CPXM2: variants seen among roughly 807,000 people sequenced by gnomAD.
The protein encoded by CPXM2 is inactive carboxypeptidase-like protein X2.
In CPXM2, 66 loss-of-function variants were observed where a neutral mutation model predicts 86.1. The observed-to-expected ratio is 0.77, with a 90% CI of 0.63 to 0.94. The LOEUF is 0.94. Ranked by LOEUF, CPXM2 falls within the 40% of genes least tolerant of loss-of-function variation. The pLI, the probability that CPXM2 is intolerant of heterozygous loss-of-function variation, is 0.00. For synonymous variants in CPXM2, 388 were observed against 400.2 expected (o/e 0.97, Z 0.36); for missense variants, 948 against 1,026.3 (o/e 0.92, Z 1.04).
upstream of CPXM2, among the ~76,000 whole-genome samples, chr10:123,894,927 A>C (rs544627502): frequency 6.6e-6 from 1 of 151,980 alleles, no homozygotes; most frequent in African/African-American, 2.4e-5. Flanking sequence ...TCAAGGCAAC[A>C]AGCCATTCAT....
intron 2 of CPXM2, among the ~76,000 whole-genome samples, chr10:123,938,128 C>G (rs1945740088): frequency 6.6e-6 from 1 of 152,160 alleles, no homozygotes; most frequent in Non-Finnish European, 1.5e-5. Flanking sequence ...CCCTCCCTTT[C>G]TCTCAGTGGT....
intron 13 of CPXM2, among the ~76,000 whole-genome samples, chr10:123,748,569 T>C (rs1371982494): frequency 6.6e-6 from 1 of 151,958 alleles, no homozygotes; most frequent in African/African-American, 2.4e-5. Context: ...TGTACATCAC[T>C]AAGGAGCTGA....
intron 4 of CPXM2, among the ~76,000 whole-genome samples, chr10:123,815,522 G>A (rs1847795618): frequency 6.6e-6 from 1 of 152,086 alleles, no homozygotes; most frequent in African/African-American, 2.4e-5. Context: ...TTTTTTGCCA[G>A]AAGGAACAGC....
At chr10:123,765,302 C>T (rs1293842328) in intron 10 of CPXM2, among the ~76,000 whole-genome samples, 1 of 152,180 alleles carries the variant, frequency 6.6e-6, no homozygotes, top group African/African-American at 2.4e-5. Context: ...AATCTATCCA[C>T]AATTGAGAAA....
chr10:123,874,505 T>C (rs1385255670), intron 2 of CPXM2, among the ~76,000 whole-genome samples: 2 of 152,206 alleles, frequency 1.3e-5, no homozygotes, highest in Admixed American at 6.5e-5. Flanking sequence ...CATAGCCAAA[T>C]GTTTAATAAG....
intron 1 of CPXM2, among the ~76,000 whole-genome samples, chr10:123,884,131 C>T (rs1279123735): frequency 6.6e-6 from 1 of 152,192 alleles, no homozygotes; most frequent in African/African-American, 2.4e-5. Flanking sequence ...TTTGCATCTT[C>T]CCCAGGAAAT....
rs780477883 is a variant in CPXM2 at position 123,754,756 on chromosome 10, G to A, written c.1924C>T (p.Arg642Cys). 14 of 1,592,136 alleles carry A rather than the reference G, an allele frequency of 8.8e-6. No homozygotes were observed. The highest frequency in any genetic ancestry group is 2.2e-5 in the South Asian group (2 of 90,606). ...SLIVFMEQVHRGIKGLVRDSH... is the reference protein window; with the variant it reads ...SLIVFMEQVHCGIKGLVRDSH... ...TCTCTCACCAAGCCTTTAATGCCACGATGAACCTGCTCAGCAAACATGAGA... is the reference window on the plus strand; with the variant it reads ...TCTCTCACCAAGCCTTTAATGCCACAATGAACCTGCTCAGCAAACATGAGA... The change falls in exon 13 of 14, where the codon CGT becomes TGT. Residue 642 changes from arginine (R) to cysteine (C), a missense_variant. Coordinates refer to ENST00000241305, the MANE Select transcript of CPXM2 (RefSeq NM_198148.3). This position sits in a 1 kb window ranked among gnomAD's most constrained non-coding sequence, Gnocchi z 4.0.
chr10:123,897,451 G>A (rs1945347230), intron 2 of CPXM2, among the ~76,000 whole-genome samples: 1 of 152,116 alleles, frequency 6.6e-6, no homozygotes, highest in South Asian at 2.1e-4. Context: ...ACCCCCAACT[G>A]TTTCACTCCA....
intron 2 of CPXM2, among the ~76,000 whole-genome samples, chr10:123,913,168 A>G (rs1945504161): frequency 1.3e-5 from 2 of 152,228 alleles, no homozygotes; most frequent in Non-Finnish European, 1.5e-5. Context: ...GTGTATATAC[A>G]TAAAATAAAA....
At chr10:123,838,614 C>T (rs573119537) in intron 4 of CPXM2, among the ~76,000 whole-genome samples, 8 of 152,260 alleles carry the variant, frequency 5.3e-5, no homozygotes, top group East Asian at 1.9e-4. Context: ...AAAAATCTAC[C>T]GGGCTGGCAA....
At position 123,771,030 on chromosome 10, in the gene CPXM2, C is replaced by T. The variant is rs1846618047; in HGVS notation, c.988G>A (p.Val330Ile). ...NYKEMRQLMK[V>I]VNEMCPNITR... is the part of the protein sequence containing the mutation. Reference sequence around the variant, plus strand: ...ATATTGGGACACATTTCATTCACAACTTTCATCAACTGAAAAACAAGGTGA... The same window carrying T: ...ATATTGGGACACATTTCATTCACAATTTTCATCAACTGAAAAACAAGGTGA... The change falls in exon 8 of 14, where the codon GTT (valine) becomes ATT (isoleucine). Residue 330 changes from valine to isoleucine, a missense_variant. Val to Ile is a conservative substitution (Grantham distance 29). Transcript: ENST00000241305. The T allele has an allele frequency of 6.2e-7, 1 of 1,612,754 alleles. No individual in the cohort carries two copies. The highest frequency in any genetic ancestry group is 2.2e-5 in the East Asian group (1 of 44,882).
upstream of CPXM2, chr10:123,940,292 T>G (rs1275900875): frequency 6.6e-6 from 1 of 152,312 alleles, no homozygotes; most frequent in Admixed American, 6.5e-5. Flanking sequence ...CTTGCTGTGA[T>G]GTACACAGGA....
chr10:123,826,924 T>A (rs1162028158), intron 4 of CPXM2, among the ~76,000 whole-genome samples: 1 of 151,982 alleles, frequency 6.6e-6, no homozygotes, highest in Non-Finnish European at 1.5e-5. Flanking sequence ...ATGAAAAAAA[T>A]TATAGAAAAA....
intron 13 of CPXM2, chr10:123,752,257 T>C (rs1846095890): frequency 1.0e-6 from 1 of 985,312 alleles, no homozygotes; most frequent in Non-Finnish European, 1.2e-6. Flanking sequence ...AATAAATATA[T>C]GAAAAAAATG....
At chr10:123,893,881 G>A (rs944856520), upstream of CPXM2, among the ~76,000 whole-genome samples, 2 of 152,192 alleles carry the variant, frequency 1.3e-5, no homozygotes, top group African/African-American at 4.8e-5. Flanking sequence ...GGCAGCCCAG[G>A]CCAGGACGGT....
intron 4 of CPXM2, among the ~76,000 whole-genome samples, chr10:123,839,929 T>C (rs1366628805): frequency 6.6e-6 from 1 of 152,200 alleles, no homozygotes. Flanking sequence ...ATCCCTTGCC[T>C]TCCCTCTGAG....
intron 3 of CPXM2, among the ~76,000 whole-genome samples, chr10:123,851,767 T>TC (rs1554885384): frequency 1.0e-5 from 1 of 97,458 alleles, no homozygotes; most frequent in Non-Finnish European, 1.8e-5. Context: ...AGACATCATC[T>TC]CAAAAAAAAA....
chr10:123,771,067 T>TC, intron 7 of CPXM2, 28 bp from the exon 8 acceptor site: 1 of 1,607,332 alleles, frequency 6.2e-7, no homozygotes, highest in African/African-American at 1.3e-5. Context: ...TCAAAAACTC[T>TC]AAGCATTGAT....
At chr10:123,862,763 C>T (rs1848882244) in intron 2 of CPXM2, 40 bp from the exon 3 acceptor site, 1 of 1,532,786 alleles carries the variant, frequency 6.5e-7, no homozygotes, top group Non-Finnish European at 9.0e-7. Flanking sequence ...ACGACAGATG[C>T]TGAAAGGGAT....
Sources: gnomAD v4.1 joint callset for allele counts (sites outside exome capture counted in the v4.1 genomes callset) on GRCh38, gnomAD v4.1.1 for gene constraint, Gnocchi (gnomAD v3.1) non-coding constraint, MANE v1.5 for transcripts, NCBI Gene and HGNC (gene_info 2026-07-23, HGNC 2026-07-21) for gene names.